The following CHD6 variants were observed in gnomAD, a reference collection of about 807,000 sequenced individuals.
The protein encoded by CHD6 is ATP-dependent chromatin remodeler CHD6.
CHD6 carries 50 observed loss-of-function variants against 276.9 expected under a neutral mutation model. The ratio of observed to expected loss-of-function variants is 0.18; its 90% CI spans 0.14 to 0.23. The LOEUF (loss-of-function observed/expected upper bound fraction) is 0.23, where lower values mean the gene tolerates loss of function less well. Ranked by LOEUF, CHD6 falls within the 10% of genes least tolerant of loss-of-function variation. The probability of loss-of-function intolerance (pLI) is 1.00; values close to 1 mark genes in which losing one functional copy is unlikely to be tolerated. For missense variants in CHD6, 2,564 were observed against 3,365.8 expected (o/e 0.76, Z 5.89); for synonymous variants, 1,173 against 1,229.3 (o/e 0.95, Z 0.96).
At chr20:41,581,201 T>G (rs1437861194) in intron 1 of CHD6, among the ~76,000 whole-genome samples, 1 of 152,210 alleles carries the variant, frequency 6.6e-6, no homozygotes, top group African/African-American at 2.4e-5. Context: ...TCCCATGAGA[T>G]AGGTACGGTA....
intron 3 of CHD6, among the ~76,000 whole-genome samples, chr20:41,528,137 TA>T (rs1435462652): frequency 6.6e-6 from 1 of 152,162 alleles, no homozygotes; most frequent in African/African-American, 2.4e-5. Flanking sequence ...TCTCAAATGG[TA>T]AAAACTTAGC....
intron 2 of CHD6, among the ~76,000 whole-genome samples, chr20:41,544,190 A>T (rs971533553): frequency 5.9e-5 from 9 of 152,286 alleles, no homozygotes; most frequent in African/African-American, 2.2e-4. Context: ...CAGTGAGCTG[A>T]GATTTTGCCA....
chr20:41,595,100 T>C (rs151244531), intron 1 of CHD6, among the ~76,000 whole-genome samples: 8 of 152,294 alleles, frequency 5.3e-5, no homozygotes, highest in African/African-American at 1.9e-4. Context: ...CCCACTGCCT[T>C]GTTGCAGTGG....
chr20:41,612,077 G>GA (rs1255872222), intron 1 of CHD6, among the ~76,000 whole-genome samples: 2 of 151,880 alleles, frequency 1.3e-5, no homozygotes, highest in East Asian at 1.9e-4. Flanking sequence ...GAATTTCCAG[G>GA]AAAAAATAAA....
intron 17 of CHD6, among the ~76,000 whole-genome samples, chr20:41,464,696 G>A (rs1021803256): frequency 1.1e-4 from 16 of 152,120 alleles, no homozygotes; most frequent in African/African-American, 3.6e-4. Flanking sequence ...GTGCACAGAG[G>A]GTCTAGAAGC....
At chr20:41,538,137 G>C (rs2044871739) in intron 2 of CHD6, among the ~76,000 whole-genome samples, 1 of 152,200 alleles carries the variant, frequency 6.6e-6, no homozygotes, top group Non-Finnish European at 1.5e-5. Context: ...GATCACATGA[G>C]GTCAGGAGTT....
intron 5 of CHD6, among the ~76,000 whole-genome samples, chr20:41,500,430 C>A (rs1457613723): frequency 3.3e-5 from 5 of 152,146 alleles, no homozygotes; most frequent in Admixed American, 2.6e-4. Flanking sequence ...CAAGCAGGCA[C>A]AGGCAGATGT....
chr20:41,450,258 G>A (rs1333759332), intron 23 of CHD6, among the ~76,000 whole-genome samples: 8 of 152,112 alleles, frequency 5.3e-5, no homozygotes, highest in East Asian at 1.9e-4. Context: ...GTGTGCGACC[G>A]GAGGCCCTCA....
chr20:41,533,983 C>T (rs1203987196), intron 2 of CHD6, among the ~76,000 whole-genome samples: 2 of 152,136 alleles, frequency 1.3e-5, no homozygotes, highest in Non-Finnish European at 2.9e-5. Context: ...CTCAAGGCAT[C>T]CCTAAAATGG....
chr20:41,525,206 C>A (rs2044500231), intron 3 of CHD6, among the ~76,000 whole-genome samples: 2 of 152,140 alleles, frequency 1.3e-5, no homozygotes, highest in Non-Finnish European at 2.9e-5. Flanking sequence ...CAGGGAAGGG[C>A]AGAGAAGTTA....
intron 3 of CHD6, among the ~76,000 whole-genome samples, chr20:41,518,055 T>C (rs1198631439): frequency 6.6e-6 from 1 of 152,080 alleles, no homozygotes; most frequent in African/African-American, 2.4e-5. Flanking sequence ...TTTTTATAGC[T>C]CTCTTAGAAA....
At chr20:41,490,103 C>T in intron 11 of CHD6, 82 bp from the exon 12 acceptor site, 2 of 1,111,982 alleles carry the variant, frequency 1.8e-6, no homozygotes, top group East Asian at 2.4e-5. Context: ...AAAGATGCTT[C>T]ACATACCTGT....
At chr20:41,590,001 G>T (rs199938825) in intron 1 of CHD6, among the ~76,000 whole-genome samples, 5 of 148 alleles carry the variant, frequency 0.034, no homozygotes, top group Admixed American at 0.12. Context: ...AGCATGGTAC[G>T]GGTACAAAAC....
chr20:41,491,799 G>C lies in CHD6; in HGVS notation c.1335C>G (p.Ser445=). ...IKHVERPASD[S]WQKLEKSREY... is the part of the protein sequence containing the mutation. ...CGCGAGACTTCTCAAGTTTCTGCCAGGAGTCTGAAGCAGGCCGCTCCTAGG... is the reference window on the plus strand; with the variant it reads ...CGCGAGACTTCTCAAGTTTCTGCCACGAGTCTGAAGCAGGCCGCTCCTAGG... The change falls in exon 11 of 37, where the codon TCC becomes TCG. Residue 445 remains serine, a synonymous_variant. Coordinates refer to ENST00000373233, the MANE Select transcript of CHD6 (RefSeq NM_032221.5). 2 of 1,613,902 alleles carry C rather than the reference G, an allele frequency of 1.2e-6. No homozygotes were observed. The highest frequency in any genetic ancestry group is 1.7e-6 in the Non-Finnish European group (2 of 1,179,860).
At chr20:41,498,110 G>T in intron 7 of CHD6, 58 bp downstream of exon 7, 1 of 1,187,376 alleles carries the variant, frequency 8.4e-7, no homozygotes, top group Non-Finnish European at 1.2e-6. Flanking sequence ...AGTCACAAGA[G>T]AAAAAAAGTT....
intron 3 of CHD6, among the ~76,000 whole-genome samples, chr20:41,528,125 T>C (rs1015499510): frequency 6.6e-6 from 1 of 152,246 alleles, no homozygotes; most frequent in Non-Finnish European, 1.5e-5. Flanking sequence ...AAGAAATTTC[T>C]TTCTCAAATG....
Position 41,405,377 on chromosome 20 carries a change from G to C in CHD6, c.7364C>G (p.Ser2455Cys), listed in dbSNP as rs138311234. ...TCCAGAGGGAGAGTCTGCCACAATG[G>C]AAGGAGCCTTCAGGAGTTCGCTCCG... is the stretch of plus-strand genomic sequence containing the variant. ...RPRSELLKAP[S>C]IVADSPSGMG... Residue 2455 changes from serine to cysteine, a missense_variant, in exon 37 of 37, where the codon TCC becomes TGC. Coordinates refer to ENST00000373233, the MANE Select transcript of CHD6 (RefSeq NM_032221.5). 7.6e-5 allele frequency: 122 copies of C among 1,614,218 alleles called. No homozygotes were observed. The African/African-American group carries it at 1.5e-3, about 20-fold the overall frequency.
Position 41,416,612 on chromosome 20 carries a change from T to C in CHD6, c.6462A>G (p.Ala2154=). ...CCTTGTGGATCTGGGCCGCCAATGC[T>C]GCGCCGTTGCTGAAGCTGTGTTCTG... ...EAAEHSFSNG[A]ALAAQIHKES... The change falls in exon 33 of 37, where the codon GCA becomes GCG. Residue 2154 remains alanine, a synonymous_variant. Transcript: ENST00000373233. 1 of 1,613,078 alleles carries C rather than the reference T, an allele frequency of 6.2e-7. No homozygotes were observed. The highest frequency in any genetic ancestry group is 1.3e-5 in the African/African-American group (1 of 75,028).
At chr20:41,460,294 A>T (rs187490596) in intron 17 of CHD6, among the ~76,000 whole-genome samples, 1 of 152,226 alleles carries the variant, frequency 6.6e-6, no homozygotes, top group East Asian at 1.9e-4. Context: ...AGAAAAATCA[A>T]TTTTCTGGGG....
Sources: allele counts gnomAD v4.1 joint callset (sites outside exome capture counted in the v4.1 genomes callset), GRCh38; gene constraint gnomAD v4.1.1; transcripts MANE v1.5; gene names NCBI Gene and HGNC (gene_info 2026-07-23, HGNC 2026-07-21).